HAGH: variants seen among roughly 807,000 people sequenced by gnomAD.
HAGH encodes the protein hydroxyacylglutathione hydrolase, also known as hydroxyacylglutathione hydrolase, mitochondrial.
In HAGH, 29 loss-of-function variants were observed where a neutral mutation model predicts 35.1. The observed-to-expected ratio is 0.83, with a 90% confidence interval of 0.62 to 1.13. The LOEUF is 1.13. HAGH is among the 50% of genes most tolerant of loss of function. The probability of loss-of-function intolerance (pLI) is 0.00; values close to 1 mark genes in which losing one functional copy is unlikely to be tolerated. For missense variants in HAGH, 478 were observed against 419.6 expected (o/e 1.14, Z -1.22); for synonymous variants, 225 against 176.1 (o/e 1.28, Z -2.20).
At chr16:1,817,074 CG>C in intron 6 of HAGH, 80 bp from the exon 7 acceptor site, 8 of 1,338,090 alleles carry the variant, frequency 6.0e-6, no homozygotes, top group South Asian at 1.2e-5. Context: ...TGGATGCCCC[CG>C]GGGGGTGTCC....
At chr16:1,819,827 GGGGA>G (rs1898065734) in intron 4 of HAGH, 66 bp downstream of exon 4, 1 of 930,142 alleles carries the variant, frequency 1.1e-6, no homozygotes, top group South Asian at 1.3e-5. Flanking sequence ...GAGAGAATGC[GGGGA>G]GGGACCCCCC....
intron 7 of HAGH, among the ~76,000 whole-genome samples, chr16:1,816,102 G>A (rs1312956598): frequency 2.0e-5 from 3 of 148,956 alleles, no homozygotes; most frequent in Admixed American, 6.7e-5. Flanking sequence ...CACCACGCCC[G>A]GCCAGCAGGG....
In HAGH at chr16:1,809,249, T is replaced by A. The variant is rs1555466428; in HGVS notation, c.*34A>T. 1.4e-6 allele frequency: 2 copies of A among 1,447,932 alleles called. No individual in the cohort carries two copies. The highest frequency in any genetic ancestry group is 1.4e-5 in the African/African-American group (1 of 71,742). 89.7% of individuals were successfully genotyped at this position (1,447,932 alleles called of 1,614,324 possible). On this transcript the variant is annotated 3_prime_UTR_variant, in exon 9 of 9. Transcript: ENST00000397356. ...GGAAAGCCAGTTACCTAAAAGAGCCTAATCCCCAAATCCGCTGAAGGTGCA... is the reference window on the plus strand; with the variant it reads ...GGAAAGCCAGTTACCTAAAAGAGCCAAATCCCCAAATCCGCTGAAGGTGCA...
At chr16:1,826,215 G>T (rs11248893) in intron 1 of HAGH, among the ~76,000 whole-genome samples, 26,975 of 151,688 alleles carry the variant, frequency 0.18, 2,560 homozygotes, top group South Asian at 0.27. Context: ...TGGCCCGGCC[G>T]CGCGACCACC....
intron 7 of HAGH, among the ~76,000 whole-genome samples, chr16:1,816,364 CAG>C (rs904163784): frequency 6.6e-6 from 1 of 152,078 alleles, no homozygotes; most frequent in African/African-American, 2.4e-5. Flanking sequence ...ACAACCCTGT[CAG>C]AGGCAGCGAC....
chr16:1,810,138 G>A, intron 7 of HAGH: 1 of 324,808 alleles, frequency 3.1e-6, no homozygotes, highest in Non-Finnish European at 5.8e-6. Context: ...CTCCAGCCTG[G>A]GTGACAGCGA....
chr16:1,815,134 T>C (rs1306134063), intron 7 of HAGH, among the ~76,000 whole-genome samples: 1 of 129,402 alleles, frequency 7.7e-6, no homozygotes, highest in Admixed American at 8.0e-5. Context: ...AAATCCACAT[T>C]TTAAAGGCAG....
rs537016808 is a variant in HAGH, at chr16:1,825,620, C to CTA, written c.76+1090_76+1091dup. Among the ~76,000 whole-genome samples, 20 of 152,308 alleles carry CTA rather than the reference C, an allele frequency of 1.3e-4. No individual in the cohort carries two copies. The South Asian group carries it at 3.5e-3, about 27-fold the overall frequency. On this transcript the variant is annotated intron_variant, in intron 1 of 8. Transcript: ENST00000397356. The stretch of plus-strand genomic sequence containing the variant: ...ATATGGTCTCACTCTGTCCCCTAGG[C>CTA]TACAGTGCAGTGGTGCGATCAAGGG...
Position 1,823,039 on chromosome 16 carries a change from T to C in HAGH, c.77-2A>G, listed in dbSNP as rs1225407707. 6.2e-6 allele frequency: 10 copies of C among 1,613,318 alleles called. No homozygotes were observed. Among genetic ancestry groups the C allele is most frequent in the Non-Finnish European group, 7.6e-6 (9 of 1,179,936 alleles). Reference sequence around the variant, plus strand: ...AGAAAACTCCCAGCAGGGCTGGACCTGCAGACACAGAGCACAACTCAGCGG... The same window carrying C: ...AGAAAACTCCCAGCAGGGCTGGACCCGCAGACACAGAGCACAACTCAGCGG... On this transcript the variant is annotated splice_acceptor_variant, in intron 1 of 8. Transcript: ENST00000397356. LOFTEE classifies it high-confidence loss of function.
At chr16:1,816,260 T>C (rs559390439) in intron 7 of HAGH, among the ~76,000 whole-genome samples, 121 of 150,040 alleles carry the variant, frequency 8.1e-4, no homozygotes, top group Middle Eastern at 3.5e-3. Flanking sequence ...TGATTTAGAG[T>C]TGGAATTTGC....
intron 4 of HAGH, 134 bp downstream of exon 4, chr16:1,819,763 C>T (rs114969436): frequency 2.9e-6 from 2 of 689,926 alleles, no homozygotes; most frequent in Non-Finnish European, 5.2e-6. Context: ...AGACCATCCA[C>T]GCTGCCACAG....
chr16:1,818,878 C>A, intron 5 of HAGH: 1 of 545,350 alleles, frequency 1.8e-6, no homozygotes, highest in African/African-American at 1.9e-5. Context: ...CCCAGCTGTC[C>A]AGCAGTCTCC....
chr16:1,822,996 T>C lies in HAGH; in HGVS notation c.118A>G (p.Lys40Glu). ...GTGCCCTCGTCCACGGTCAGGTTCTTCCGCAAATCTGTGTGGCAGAAAACT... is the reference window on the plus strand; with the variant it reads ...GTGCCCTCGTCCACGGTCAGGTTCTCCCGCAAATCTGTGTGGCAGAAAACT... ...LGVFCHTDLR[K>E]NLTVDEGTMK... Residue 40 changes from lysine to glutamate, a missense_variant, in exon 2 of 9, where the codon AAG (lysine) becomes GAG (glutamate). Physicochemically the swap from Lys to Glu is moderately conservative, Grantham distance 56 (BLOSUM62 1). Coordinates refer to ENST00000397356, the MANE Select transcript of HAGH (RefSeq NM_005326.6). 1 of 1,613,932 alleles carries C rather than the reference T, an allele frequency of 6.2e-7. No homozygotes were observed. The highest frequency in any genetic ancestry group is 1.1e-5 in the South Asian group (1 of 91,078).
At position 1,808,983 on chromosome 16, in the gene HAGH, C is replaced by T. The variant is rs1285309485; in HGVS notation, c.*300G>A. 2.7e-6 allele frequency: 1 copy of T among 371,230 alleles called. No homozygotes were observed. The highest frequency in any genetic ancestry group is 4.9e-6 in the Non-Finnish European group (1 of 203,638). 23.0% of individuals were successfully genotyped at this position (371,230 alleles called of 1,614,324 possible). On this transcript the variant is annotated 3_prime_UTR_variant, in exon 9 of 9. Transcript: ENST00000397356. ...CCAGCCAAGGCCACAGCAAAGGCAC[C>T]GGCTCACGCCTGACCTGAAGCGTGG... is the stretch of plus-strand genomic sequence containing the variant.
At chr16:1,815,081 G>A (rs1897833483) in intron 7 of HAGH, among the ~76,000 whole-genome samples, 1 of 152,004 alleles carries the variant, frequency 6.6e-6, no homozygotes, top group Non-Finnish European at 1.5e-5. Flanking sequence ...TTCATGAGAA[G>A]GCATCCAAAG....
Position 1,825,341 on chromosome 16 carries a change from C to T in HAGH, c.76+1371G>A, listed in dbSNP as rs148565253. The stretch of plus-strand genomic sequence containing the variant: ...GTGCTCAGCCTCCCCTGGAGACCAT[C>T]ACAGCCTCCTGAAGAAGCTGACAAC... On this transcript the variant is annotated intron_variant, in intron 1 of 8. Transcript: ENST00000397356. Among the ~76,000 whole-genome samples, 422 of 152,224 alleles carry T rather than the reference C, an allele frequency of 2.8e-3. 2 individuals are homozygous for T. Among genetic ancestry groups the T allele is most frequent in the African/African-American group, 9.7e-3 (401 of 41,542 alleles).
intron 7 of HAGH, among the ~76,000 whole-genome samples, chr16:1,815,434 A>G (rs1032083302): frequency 6.6e-6 from 1 of 152,248 alleles, no homozygotes; most frequent in Non-Finnish European, 1.5e-5. Flanking sequence ...ATGCATAAAC[A>G]AATTGTAGCA....
chr16:1,822,487 C>T, intron 2 of HAGH, 123 bp from the exon 3 acceptor site: 1 of 761,086 alleles, frequency 1.3e-6, no homozygotes, highest in Non-Finnish European at 2.3e-6. Flanking sequence ...CATGGCCCGT[C>T]CTGACCCTGC....
chr16:1,823,828 T>C (rs2142051882), intron 1 of HAGH, among the ~76,000 whole-genome samples: 1 of 149,704 alleles, frequency 6.7e-6, no homozygotes, highest in South Asian at 2.1e-4. Flanking sequence ...ATGCTCACAT[T>C]CATGGAAATC....
Sources: gnomAD v4.1 joint callset for allele counts (sites outside exome capture counted in the v4.1 genomes callset) on GRCh38, gnomAD v4.1.1 for gene constraint, MANE v1.5 for transcripts, NCBI Gene and HGNC (gene_info 2026-07-23, HGNC 2026-07-21) for gene names.